SLC25A29: variants seen among roughly 807,000 people sequenced by gnomAD.
The protein encoded by SLC25A29 is solute carrier family 25 member 29.
SLC25A29 carries 13 observed loss-of-function variants against 10.0 expected under a neutral mutation model. The ratio of observed to expected loss-of-function variants is 1.30; its 90% CI spans 0.85 to 2.07. The LOEUF (loss-of-function observed/expected upper bound fraction) is 2.07. Ranked by LOEUF, SLC25A29 falls within the 30% of genes most tolerant of loss-of-function variation. The pLI is 0.00. For synonymous variants in SLC25A29, 244 were observed against 221.1 expected (o/e 1.10, Z -0.92); for missense variants, 475 against 447.6 (o/e 1.06, Z -0.55).
intron 2 of SLC25A29, among the ~76,000 whole-genome samples, chr14:100,297,773 G>A (rs925392002): frequency 5.0e-4 from 76 of 152,226 alleles, no homozygotes; most frequent in African/African-American, 1.7e-3. Context: ...GAAGAGTTGT[G>A]GTTTTCAGAG....
chr14:100,295,555 CTG>C (rs1205618148), intron 2 of SLC25A29: 1 of 1,270,112 alleles, frequency 7.9e-7, no homozygotes, highest in Non-Finnish European at 1.0e-6. Context: ...GGAGGGAACT[CTG>C]GGGTTGGGGA....
At position 100,298,833 on chromosome 14, in the gene SLC25A29, G is replaced by A. The variant is rs750638265; in HGVS notation, c.78+9C>T. ...GCGCCGAGGAAAAAAAAGCAGCGAT[G>A]AGACTCACCTTGACCGTGTCAAACG... On this transcript the variant is annotated intron_variant, in intron 2 of 3. Coordinates refer to ENST00000359232, the MANE Select transcript of SLC25A29 (RefSeq NM_001039355.3). The A allele has an allele frequency of 1.2e-6, 2 of 1,614,208 alleles. No individual in the cohort carries two copies. The highest frequency in any genetic ancestry group is 1.7e-6 in the Non-Finnish European group (2 of 1,180,042).
Position 100,292,436 on chromosome 14 carries a change from G to A in SLC25A29, c.759C>T (p.Ser253=), listed in dbSNP as rs1397979643. Residue 253 remains serine, a synonymous_variant, in exon 4 of 4, where the codon TCC becomes TCT. Coordinates refer to ENST00000359232, the MANE Select transcript of SLC25A29 (RefSeq NM_001039355.3). ...GWRVFTRGLA[S]TLLRAFPVNA... ...TGACGGGGAAGGCGCGCAGCAGCGT[G>A]GACGCCAGCCCCCGTGTGAAGACGC... 1.3e-6 allele frequency: 2 copies of A among 1,579,118 alleles called. No individual in the cohort carries two copies. Among genetic ancestry groups the A allele is most frequent in the African/African-American group, 2.7e-5 (2 of 74,580 alleles).
intron 2 of SLC25A29, 75 bp from the exon 3 acceptor site, chr14:100,293,452 T>G: frequency 7.1e-7 from 1 of 1,415,556 alleles, no homozygotes; most frequent in Non-Finnish European, 9.8e-7. Flanking sequence ...GTGCTTAGGC[T>G]GCCTAGGAGG....
intron 2 of SLC25A29, among the ~76,000 whole-genome samples, chr14:100,296,769 T>G (rs988519033): frequency 1.3e-5 from 2 of 152,114 alleles, no homozygotes; most frequent in Non-Finnish European, 2.9e-5. Context: ...CGGCTAATTT[T>G]TTGTATGTTT....
chr14:100,295,389 A>T (rs1214529632), intron 2 of SLC25A29: 6 of 342,462 alleles, frequency 1.8e-5, no homozygotes, highest in Non-Finnish European at 3.4e-5. Flanking sequence ...TTTGGACACA[A>T]GTTTAGGAAG....
chr14:100,282,438 CCT>C, the SLC25A29 span: 1 of 151,678 alleles, frequency 6.6e-6, no homozygotes, highest in African/African-American at 2.4e-5. Context: ...AACGGAACAA[CCT>C]CTTTTTTCTA....
At chr14:100,306,097 G>C (rs1367769607) in intron 1 of SLC25A29, 102 bp downstream of exon 1, 20 of 862,822 alleles carry the variant, frequency 2.3e-5, no homozygotes, top group Non-Finnish European at 3.1e-5. Context: ...CAGACGCGGC[G>C]ACCCCCGCCA....
At chr14:100,285,308 C>T in the SLC25A29 span, among the ~76,000 whole-genome samples, 1 of 143,696 alleles carries the variant, frequency 7.0e-6, no homozygotes, top group Non-Finnish European at 1.6e-5. Flanking sequence ...TCCCTGCCAC[C>T]CTGCAGTGCT....
chr14:100,288,090 G>C (rs1305030201), downstream of SLC25A29, among the ~76,000 whole-genome samples: 1 of 152,148 alleles, frequency 6.6e-6, no homozygotes, highest in Non-Finnish European at 1.5e-5. Flanking sequence ...CCGGCCGCAA[G>C]ACAGTCTGGG....
intron 1 of SLC25A29, among the ~76,000 whole-genome samples, chr14:100,303,996 G>A (rs1490971255): frequency 7.9e-5 from 12 of 152,200 alleles, no homozygotes; most frequent in Admixed American, 7.9e-4. Flanking sequence ...GAGAGGGGGA[G>A]GCATTCCAAA....
At chr14:100,293,977 T>C (rs1452386107) in intron 2 of SLC25A29, 1 of 152,838 alleles carries the variant, frequency 6.5e-6, no homozygotes, top group Non-Finnish European at 1.5e-5. Flanking sequence ...CCTAGTGTGG[T>C]GGCATACGCC....
chr14:100,296,196 G>A, intron 2 of SLC25A29: 1 of 398,138 alleles, frequency 2.5e-6, no homozygotes, highest in Admixed American at 3.8e-5. Context: ...GGCCAAGGCA[G>A]GAGGATCACT....
chr14:100,303,934 C>G (rs1892734779), intron 1 of SLC25A29, among the ~76,000 whole-genome samples: 1 of 152,178 alleles, frequency 6.6e-6, no homozygotes, highest in Non-Finnish European at 1.5e-5. Flanking sequence ...TCTGTCCATC[C>G]AGAGCCCAGT....
At chr14:100,301,036 A>T (rs2139772117) in intron 1 of SLC25A29, among the ~76,000 whole-genome samples, 1 of 151,940 alleles carries the variant, frequency 6.6e-6, no homozygotes, top group East Asian at 1.9e-4. Flanking sequence ...AGTAGCTGGG[A>T]CTACAGGCGC....
rs975851132 is a variant in SLC25A29, at chr14:100,301,208, T to C, written c.35-2323A>G. Among the ~76,000 whole-genome samples, 11 of 150,510 alleles carry C rather than the reference T, an allele frequency of 7.3e-5. No homozygotes were observed. The South Asian group carries it at 2.1e-3, about 29-fold the overall frequency. ...GCCACCACGCCTGGCCTATTCCCTT[T>C]CTTTTTTTGAGAGTCTTGCTAGTGC... is the stretch of plus-strand genomic sequence containing the variant. On this transcript the variant is annotated intron_variant, in intron 1 of 3. Coordinates refer to ENST00000359232, the MANE Select transcript of SLC25A29 (RefSeq NM_001039355.3).
At chr14:100,293,850 TG>T (rs1891956974) in intron 2 of SLC25A29, 1 of 158,072 alleles carries the variant, frequency 6.3e-6, no homozygotes, top group Non-Finnish European at 1.4e-5. Context: ...CCAGGTGCAG[TG>T]GCTCACGCCT....
downstream of SLC25A29, among the ~76,000 whole-genome samples, chr14:100,289,948 C>G (rs1422879885): frequency 6.6e-6 from 1 of 152,048 alleles, no homozygotes; most frequent in African/African-American, 2.4e-5. Flanking sequence ...CATGTGAGGC[C>G]GCTGAACTGG....
intron 1 of SLC25A29, chr14:100,299,701 T>TA: frequency 1.0e-6 from 1 of 985,108 alleles, no homozygotes; most frequent in Non-Finnish European, 1.2e-6. Context: ...GTAAGCAGCC[T>TA]CATTACCCAT....
Sources: allele counts gnomAD v4.1 joint callset (sites outside exome capture counted in the v4.1 genomes callset), GRCh38; gene constraint gnomAD v4.1.1; transcripts MANE v1.5; gene names NCBI Gene and HGNC (gene_info 2026-07-23, HGNC 2026-07-21).